Variants in BICD2 observed in about 807,000 individuals in gnomAD.
The protein encoded by BICD2 is protein bicaudal D homolog 2.
BICD2 carries 25 observed loss-of-function variants against 72.9 expected under a neutral mutation model. That is an observed-to-expected ratio of 0.34 (90% CI 0.25 to 0.48). BICD2 has a LOEUF of 0.48. Among genes scored for constraint, BICD2 ranks in the 20% least tolerant of loss-of-function variants. BICD2 has a pLI of 0.99. For synonymous variants in BICD2, 501 were observed against 516.1 expected, an observed-to-expected ratio of 0.97 and a Z score of 0.40; for missense variants, 894 against 1,175.2, an observed-to-expected ratio of 0.76 and a Z score of 3.50.
In BICD2 at chr9:92,729,225, T is replaced by C. The variant is rs950450947; in HGVS notation, c.252A>G (p.Gln84=). Residue 84 remains glutamine (Q), a synonymous_variant, in exon 2 of 7, where the codon CAA becomes CAG. Transcript: ENST00000356884. ...CCACCTTCTTGTGGTTTGTGTGTGCTTGTCCAAAGGCCTGCATCAGAAGAC... is the reference window on the plus strand; with the variant it reads ...CCACCTTCTTGTGGTTTGTGTGTGCCTGTCCAAAGGCCTGCATCAGAAGAC... ...EMEQLKEAFG[Q]AHTNHKKVAA... 3 of 1,614,150 alleles carry C rather than the reference T, an allele frequency of 1.9e-6. No individual in the cohort carries two copies. The highest frequency in any genetic ancestry group is 1.7e-6 in the Non-Finnish European group (2 of 1,180,042).
Position 92,713,667 on chromosome 9 carries a change from C to A in BICD2, c.*1487G>T. ...GGAGAGAAGCTATGTGCCAGGCTTG[C>A]AAGGAGAGGGCAAAGCGCATGCAGG... is the stretch of plus-strand genomic sequence containing the variant. On this transcript the variant is annotated 3_prime_UTR_variant, in exon 7 of 7. Coordinates refer to ENST00000356884, the MANE Select transcript of BICD2 (RefSeq NM_001003800.2). 1 of 1,438,878 alleles carries A rather than the reference C, an allele frequency of 6.9e-7. No homozygotes were observed. 89.1% of individuals were successfully genotyped at this position (1,438,878 alleles called of 1,614,324 possible).
intron 3 of BICD2, among the ~76,000 whole-genome samples, chr9:92,721,676 C>A (rs761355033): frequency 6.6e-6 from 1 of 152,190 alleles, no homozygotes; most frequent in Non-Finnish European, 1.5e-5. Context: ...ACCACAAATG[C>A]GGAGGTGAGG....
At chr9:92,735,290 G>A (rs1853758743) in intron 1 of BICD2, among the ~76,000 whole-genome samples, 1 of 152,156 alleles carries the variant, frequency 6.6e-6, no homozygotes, top group Non-Finnish European at 1.5e-5. Context: ...CACCATTAGG[G>A]AGGCCAGGTC....
chr9:92,723,059 A>T (rs895978377), intron 2 of BICD2, among the ~76,000 whole-genome samples: 1 of 151,918 alleles, frequency 6.6e-6, no homozygotes, highest in South Asian at 2.1e-4. Flanking sequence ...GCCTGCTCCG[A>T]CCCTTGGTTT....
At chr9:92,728,946 C>T in intron 2 of BICD2, 78 bp downstream of exon 2, 7 of 1,516,738 alleles carry the variant, frequency 4.6e-6, no homozygotes, top group African/African-American at 1.4e-5. Context: ...CCAGCCCAGC[C>T]ACCCACCAGG....
In BICD2 at chr9:92,725,519, C is replaced by G. The variant is rs1411413278; in HGVS notation, c.454-2711G>C. Among the ~76,000 whole-genome samples, 13 of 152,260 alleles carry G rather than the reference C, an allele frequency of 8.5e-5. No homozygotes were observed. The East Asian group carries it at 2.5e-3, about 29-fold the overall frequency. ...GTCGCCATGGGGTTTAGTTTTCCCTCAAGTAAGCACCTTCTCCCAGTGAGC... is the reference window on the plus strand; with the variant it reads ...GTCGCCATGGGGTTTAGTTTTCCCTGAAGTAAGCACCTTCTCCCAGTGAGC... On this transcript the variant is annotated intron_variant, in intron 2 of 6. Transcript: ENST00000356884.
At chr9:92,724,697 G>A (rs1853531078) in intron 2 of BICD2, among the ~76,000 whole-genome samples, 1 of 152,198 alleles carries the variant, frequency 6.6e-6, no homozygotes, top group Admixed American at 6.5e-5. Context: ...CACGGGGGGT[G>A]GATAGGGAGT....
Position 92,759,706 on chromosome 9 carries a change from T to C in BICD2, c.240+4799A>G, listed in dbSNP as rs926728424. 2.6e-5 allele frequency among the ~76,000 whole-genome samples: 4 copies of C among 152,326 alleles called. No homozygotes were observed. In the East Asian group the frequency reaches 5.8e-4, roughly 22 times the overall value. On this transcript the variant is annotated intron_variant, in intron 1 of 6. Transcript: ENST00000356884. ...AATGCTTTACCTGTCAAAGCCTGCA[T>C]AGTCCTGGCCAGCCCTGGCCACCAG... is the stretch of plus-strand genomic sequence containing the variant.
At chr9:92,748,536 TAAG>T (rs1250425755) in intron 1 of BICD2, among the ~76,000 whole-genome samples, 1 of 152,100 alleles carries the variant, frequency 6.6e-6, no homozygotes, top group Admixed American at 6.5e-5. Context: ...CCAAGTCAGC[TAAG>T]AAGCCAGAAA....
At chr9:92,757,312 C>CAAAAAAAAAAAAAAAA (rs1169381290) in intron 1 of BICD2, among the ~76,000 whole-genome samples, 10 of 52,738 alleles carry the variant, frequency 1.9e-4, no homozygotes, top group East Asian at 1.1e-3. Flanking sequence ...AGACTGTCTC[C>CAAAAAAAAAAAAAAAA]AAAAAAAAAA....
rs531929435 is a variant in BICD2 at position 92,739,829 on chromosome 9, G to C, written c.241-10593C>G. 4.6e-4 allele frequency among the ~76,000 whole-genome samples: 70 copies of C among 152,282 alleles called. No homozygotes were observed. In the East Asian group the frequency reaches 9.1e-3, roughly 20 times the overall value. ...GGAGCTGGGGTGGTCTGCAGGACAG[G>C]AGAGGACCTGGAGGCCTCAGACACC... On this transcript the variant is annotated intron_variant, in intron 1 of 6. Transcript: ENST00000356884.
At chr9:92,731,595 G>GC (rs1195807279) in intron 1 of BICD2, among the ~76,000 whole-genome samples, 10 of 152,126 alleles carry the variant, frequency 6.6e-5, no homozygotes, top group Non-Finnish European at 8.8e-5. Context: ...AGTTCCAGGA[G>GC]CCCCCTCCAC....
chr9:92,763,712 C>CT, intron 1 of BICD2, among the ~76,000 whole-genome samples: 1 of 152,214 alleles, frequency 6.6e-6, no homozygotes, highest in South Asian at 2.1e-4. Flanking sequence ...TACTCTCCCC[C>CT]CAGTGGGAAT....
chr9:92,749,613 C>T (rs779750822), intron 1 of BICD2, among the ~76,000 whole-genome samples: 2 of 152,240 alleles, frequency 1.3e-5, no homozygotes, highest in Non-Finnish European at 2.9e-5. Context: ...ACTGGGAATT[C>T]ATCCCTGGGC....
chr9:92,759,077 A>G (rs1003861739), intron 1 of BICD2, among the ~76,000 whole-genome samples: 4 of 152,218 alleles, frequency 2.6e-5, no homozygotes, highest in African/African-American at 9.6e-5. Context: ...TATTTCATAT[A>G]GTAACACAAC....
In BICD2 at chr9:92,719,518, G is replaced by C. The variant is rs200325192; in HGVS notation, c.1127C>G (p.Thr376Arg). The change falls in exon 5 of 7, where the codon ACG (threonine) becomes AGG (arginine). Residue 376 changes from threonine (T) to arginine (R), a missense_variant. Physicochemically the swap from Thr to Arg is moderately conservative, Grantham distance 71. Transcript: ENST00000356884. The part of the protein sequence containing the change: ...LQDTQKQLEH[T>R]RGSLSEQQEK... ...CTGCTGTTCTGACAGGGAGCCCCGC[G>C]TGTGCTCCAGCTGCTTCTGTGTGTC... 1.2e-6 allele frequency: 2 copies of C among 1,613,240 alleles called. No individual in the cohort carries two copies. Among genetic ancestry groups the C allele is most frequent in the Non-Finnish European group, 1.7e-6 (2 of 1,179,964 alleles).
At chr9:92,763,022 T>C (rs1452622425) in intron 1 of BICD2, among the ~76,000 whole-genome samples, 1 of 152,142 alleles carries the variant, frequency 6.6e-6, no homozygotes, top group Non-Finnish European at 1.5e-5. Flanking sequence ...CAGCTGCATC[T>C]CACCCCTCTT....
chr9:92,754,700 T>C (rs1179253776), intron 1 of BICD2, among the ~76,000 whole-genome samples: 1 of 152,266 alleles, frequency 6.6e-6, no homozygotes, highest in Admixed American at 6.5e-5. Context: ...TGTAATTTCT[T>C]ATGCCTGTCT....
intron 1 of BICD2, among the ~76,000 whole-genome samples, chr9:92,731,207 G>A (rs766482593): frequency 3.3e-5 from 5 of 152,202 alleles, no homozygotes; most frequent in Non-Finnish European, 7.3e-5. Flanking sequence ...AGCACACATG[G>A]CTGCTCAGAA....
Sources: allele counts gnomAD v4.1 joint callset (sites outside exome capture counted in the v4.1 genomes callset), GRCh38; gene constraint gnomAD v4.1.1; transcripts MANE v1.5; gene names NCBI Gene and HGNC (gene_info 2026-07-23, HGNC 2026-07-21).